The following RCOR1 variants were observed in gnomAD, a reference collection of about 807,000 sequenced individuals.
RCOR1 encodes the protein REST corepressor.
A neutral mutation model predicts 64.0 loss-of-function variants in RCOR1; 12 were observed. The ratio of observed to expected loss-of-function variants is 0.19; its 90% confidence interval spans 0.12 to 0.30. RCOR1 has a LOEUF of 0.30. Ranked by LOEUF, RCOR1 falls within the 10% of genes least tolerant of loss-of-function variation. The pLI, the probability that RCOR1 is intolerant of heterozygous loss-of-function variation, is 1.00. For synonymous variants in RCOR1, 279 were observed against 227.2 expected (o/e 1.23, Z -2.05); for missense variants, 502 against 621.2 (o/e 0.81, Z 2.04).
At chr14:102,689,774 C>T (rs138247442) in intron 3 of RCOR1, among the ~76,000 whole-genome samples, 15 of 152,250 alleles carry the variant, frequency 9.9e-5, no homozygotes, top group African/African-American at 2.6e-4. Context: ...GACAGAGTCT[C>T]GCACTGATGC....
chr14:102,657,418 T>A, intron 2 of RCOR1: 1 of 985,256 alleles, frequency 1.0e-6, no homozygotes, highest in Non-Finnish European at 1.2e-6. Context: ...TCTGATGATG[T>A]TTTTGTTGCT....
chr14:102,616,951 A>G (rs1217981705), intron 2 of RCOR1, among the ~76,000 whole-genome samples: 1 of 152,212 alleles, frequency 6.6e-6, no homozygotes, highest in Non-Finnish European at 1.5e-5. Context: ...GTTGCCAGCT[A>G]TTGGTCAACT....
intron 2 of RCOR1, among the ~76,000 whole-genome samples, chr14:102,622,923 C>T (rs946340459): frequency 6.6e-6 from 1 of 152,132 alleles, no homozygotes; most frequent in Non-Finnish European, 1.5e-5. Flanking sequence ...TGATGGAGTT[C>T]CCCTCTTTAA....
intron 3 of RCOR1, among the ~76,000 whole-genome samples, chr14:102,694,085 T>C (rs1225358577): frequency 6.6e-6 from 1 of 152,206 alleles, no homozygotes; most frequent in African/African-American, 2.4e-5. Context: ...AAGGAAACCA[T>C]GTGAGAGATC....
chr14:102,597,904 C>T (rs1243367275), intron 2 of RCOR1, among the ~76,000 whole-genome samples: 5 of 150,726 alleles, frequency 3.3e-5, no homozygotes, highest in Non-Finnish European at 5.9e-5. Flanking sequence ...CTCACCTCAA[C>T]CTCCACCTCT....
chr14:102,685,093 T>C (rs1895390095), intron 3 of RCOR1, among the ~76,000 whole-genome samples: 1 of 152,008 alleles, frequency 6.6e-6, no homozygotes. Flanking sequence ...TTTTTTCCTC[T>C]TCTTTTCAAA....
At chr14:102,639,497 TTTTATTTATTTATTTATTTATTTA>T (rs3069233) in intron 2 of RCOR1, among the ~76,000 whole-genome samples, 219 of 135,400 alleles carry the variant, frequency 1.6e-3, no homozygotes, top group African/African-American at 5.2e-3. Flanking sequence ...ATTTTTTAAT[TTTTATTTATTTATTTATTTATTTA>T]TTTATTTATT....
intron 2 of RCOR1, among the ~76,000 whole-genome samples, chr14:102,610,564 A>C (rs894527162): frequency 6.6e-6 from 1 of 151,966 alleles, no homozygotes; most frequent in Non-Finnish European, 1.5e-5. Flanking sequence ...TATTATTATT[A>C]TTATTTTTGT....
chr14:102,719,459 C>T (rs1304901526), intron 8 of RCOR1, among the ~76,000 whole-genome samples: 2 of 152,048 alleles, frequency 1.3e-5, no homozygotes, highest in South Asian at 2.1e-4. Flanking sequence ...TCCAAGTGTT[C>T]TCATTGTTCA....
intron 3 of RCOR1, among the ~76,000 whole-genome samples, chr14:102,696,001 A>G (rs1895639469): frequency 6.6e-6 from 1 of 152,136 alleles, no homozygotes; most frequent in South Asian, 2.1e-4. Flanking sequence ...AGCTTAAAAC[A>G]ATGGCTCATA....
intron 2 of RCOR1, among the ~76,000 whole-genome samples, chr14:102,672,875 A>G (rs1290779304): frequency 6.6e-6 from 1 of 152,256 alleles, no homozygotes; most frequent in Non-Finnish European, 1.5e-5. Context: ...AGAGTGAGAA[A>G]TAACTCAGAG....
intron 2 of RCOR1, among the ~76,000 whole-genome samples, chr14:102,625,310 G>A (rs111540779): frequency 0.054 from 7,476 of 137,882 alleles, 624 homozygotes; most frequent in African/African-American, 0.18. Context: ...ATCTTGGCTC[G>A]CCGCAACCTC....
chr14:102,647,089 A>G (rs1173471337), intron 2 of RCOR1, among the ~76,000 whole-genome samples: 2 of 152,210 alleles, frequency 1.3e-5, no homozygotes, highest in African/African-American at 4.8e-5. Flanking sequence ...GAAAATCACA[A>G]ATCTCCACAT....
chr14:102,685,806 T>C (rs1895406290), intron 3 of RCOR1, among the ~76,000 whole-genome samples: 1 of 152,020 alleles, frequency 6.6e-6, no homozygotes, highest in African/African-American at 2.4e-5. Flanking sequence ...TCTCAAAAAG[T>C]CCAAAAGTTA....
At position 102,593,334 on chromosome 14, in the gene RCOR1, C is replaced by T. The variant is rs1567400393; in HGVS notation, c.361+9C>T. ...GCCCGACTTCGACCCCGGTGAGTAGCGGCCCCGGCCGGCCGGCGGCGGGGA... is the reference window on the plus strand; with the variant it reads ...GCCCGACTTCGACCCCGGTGAGTAGTGGCCCCGGCCGGCCGGCGGCGGGGA... On this transcript the variant is annotated intron_variant, in intron 2 of 11. Transcript: ENST00000262241. 3 of 1,531,246 alleles carry T rather than the reference C, an allele frequency of 2.0e-6. No homozygotes were observed. Among genetic ancestry groups the T allele is most frequent in the African/African-American group, 1.4e-5 (1 of 69,786 alleles). 94.9% of individuals were successfully genotyped at this position (1,531,246 alleles called of 1,614,324 possible).
intron 2 of RCOR1, among the ~76,000 whole-genome samples, chr14:102,623,388 TTATTTA>T (rs1332771755): frequency 2.0e-5 from 1 of 50,756 alleles, no homozygotes; most frequent in African/African-American, 1.6e-4. Flanking sequence ...TATTTATTTA[TTATTTA>T]TTTATTTATT....
At chr14:102,660,073 C>G (rs1234003553) in intron 2 of RCOR1, among the ~76,000 whole-genome samples, 1 of 152,140 alleles carries the variant, frequency 6.6e-6, no homozygotes, top group Non-Finnish European at 1.5e-5. Context: ...TAGAGATTAT[C>G]TTTAACCATT....
chr14:102,672,265 T>A (rs566853611), intron 2 of RCOR1, among the ~76,000 whole-genome samples: 2 of 152,230 alleles, frequency 1.3e-5, no homozygotes, highest in Non-Finnish European at 2.9e-5. Flanking sequence ...CAGTCTGGAG[T>A]GCAGTGGTGC....
intron 2 of RCOR1, among the ~76,000 whole-genome samples, chr14:102,630,366 G>A (rs1191348371): frequency 1.3e-5 from 2 of 152,182 alleles, no homozygotes; most frequent in East Asian, 3.8e-4. Flanking sequence ...GGAATCATGA[G>A]CCAAGTGAAT....
Sources: gnomAD v4.1 joint callset for allele counts (sites outside exome capture counted in the v4.1 genomes callset) on GRCh38, gnomAD v4.1.1 for gene constraint, MANE v1.5 for transcripts, NCBI Gene and HGNC (gene_info 2026-07-23, HGNC 2026-07-21) for gene names.